The following IGFBP7 variants were observed in gnomAD, a reference collection of about 807,000 sequenced individuals.
IGFBP7 encodes insulin-like growth factor-binding protein 7.
IGFBP7 carries 31 observed loss-of-function variants against 29.4 expected under a neutral mutation model. The observed-to-expected ratio is 1.05, with a 90% CI of 0.79 to 1.42. The LOEUF (loss-of-function observed/expected upper bound fraction) is 1.42, where lower values mean the gene tolerates loss of function less well. Among genes scored for constraint, IGFBP7 ranks in the 40% most tolerant of loss-of-function variants. IGFBP7 has a pLI of 0.00. For missense variants in IGFBP7, 393 were observed against 395.5 expected, an observed-to-expected ratio of 0.99 and a Z score of 0.05; for synonymous variants, 172 against 174.9, an observed-to-expected ratio of 0.98 and a Z score of 0.13.
chr4:57,081,443 C>A (rs967191496), intron 1 of IGFBP7, among the ~76,000 whole-genome samples: 1 of 152,142 alleles, frequency 6.6e-6, no homozygotes, highest in African/African-American at 2.4e-5. Context: ...GGAAAACATT[C>A]CTGACCTCTG....
At chr4:57,055,823 C>G (rs1413405854) in intron 1 of IGFBP7, among the ~76,000 whole-genome samples, 1 of 152,084 alleles carries the variant, frequency 6.6e-6, no homozygotes, top group Non-Finnish European at 1.5e-5. Flanking sequence ...CCGCCCTTTG[C>G]TCATTTCTGG....
intron 1 of IGFBP7, among the ~76,000 whole-genome samples, chr4:57,105,978 A>C (rs558375147): frequency 1.9e-4 from 27 of 139,290 alleles, no homozygotes; most frequent in African/African-American, 6.0e-4. Flanking sequence ...GCTATCTTGG[A>C]TCACTGCAAG....
At chr4:57,075,761 GA>G (rs914696859) in intron 1 of IGFBP7, among the ~76,000 whole-genome samples, 2 of 151,788 alleles carry the variant, frequency 1.3e-5, no homozygotes, top group East Asian at 1.9e-4. Context: ...TTTCACATTT[GA>G]AAAAAAAGGT....
Position 57,110,060 on chromosome 4 carries a change from C to G in IGFBP7, c.292G>C (p.Ala98Pro), listed in dbSNP as rs1002002287. Residue 98 changes from alanine to proline, a missense_variant, in exon 1 of 5, where the codon GCC (alanine) becomes CCC (proline). By Grantham distance (27) the Ala-to-Pro change is conservative. Coordinates refer to ENST00000295666, the MANE Select transcript of IGFBP7 (RefSeq NM_001553.3). ...CCCGGACCGCCGGCTGCTGCCCCGGCTTTACCCTTCCGCCTCTTGCGGCTC... is the reference window on the plus strand; with the variant it reads ...CCCGGACCGCCGGCTGCTGCCCCGGGTTTACCCTTCCGCCTCTTGCGGCTC... Reference protein sequence around the residue: ...VKSRKRRKGKAGAAAGGPGVS... With the variant: ...VKSRKRRKGKPGAAAGGPGVS... 6 of 1,561,746 alleles carry G rather than the reference C, an allele frequency of 3.8e-6. No individual in the cohort carries two copies. Among genetic ancestry groups the G allele is most frequent in the Admixed American group, 1.8e-5 (1 of 54,730 alleles).
intron 1 of IGFBP7, among the ~76,000 whole-genome samples, chr4:57,080,370 G>A (rs1024997683): frequency 1.5e-4 from 23 of 152,188 alleles, no homozygotes; most frequent in African/African-American, 5.3e-4. Context: ...CATTGCCCGA[G>A]TGCTCCAGCC....
intron 1 of IGFBP7, among the ~76,000 whole-genome samples, chr4:57,075,713 A>G (rs976758296): frequency 2.0e-5 from 3 of 152,206 alleles, no homozygotes; most frequent in Non-Finnish European, 4.4e-5. Context: ...AAAAAGCTAA[A>G]GAGAATTTGA....
chr4:57,098,305 C>T (rs1296809469), intron 1 of IGFBP7, among the ~76,000 whole-genome samples: 3 of 152,178 alleles, frequency 2.0e-5, no homozygotes, highest in South Asian at 2.1e-4. Context: ...GAAAATCTCA[C>T]TTCTTTGAGT....
chr4:57,042,932 T>C (rs895005719), intron 1 of IGFBP7, among the ~76,000 whole-genome samples: 3 of 152,222 alleles, frequency 2.0e-5, no homozygotes, highest in Non-Finnish European at 4.4e-5. Context: ...TTCAATCCTT[T>C]ACACATTTTC....
At chr4:57,100,071 C>CTT (rs10669251) in intron 1 of IGFBP7, among the ~76,000 whole-genome samples, 102,768 of 115,648 alleles carry the variant, frequency 0.89, 46,277 homozygotes, top group Middle Eastern at 0.94. Flanking sequence ...TCTTTTCTTT[C>CTT]TTTTTTTTTT....
chr4:57,082,441 T>A (rs1356142739), intron 1 of IGFBP7, among the ~76,000 whole-genome samples: 3 of 152,182 alleles, frequency 2.0e-5, no homozygotes, highest in Non-Finnish European at 4.4e-5. Flanking sequence ...AGGGAAAGGT[T>A]AATGATGAAC....
chr4:57,067,907 G>T (rs1389247758), intron 1 of IGFBP7, among the ~76,000 whole-genome samples: 1 of 152,148 alleles, frequency 6.6e-6, no homozygotes, highest in African/African-American at 2.4e-5. Context: ...TCCCCCTGGA[G>T]AATAATTGAT....
chr4:57,057,081 C>T (rs1233246939), intron 1 of IGFBP7, among the ~76,000 whole-genome samples: 1 of 152,160 alleles, frequency 6.6e-6, no homozygotes, highest in Non-Finnish European at 1.5e-5. Flanking sequence ...TCATGGCTCA[C>T]TGCAGCTTCG....
intron 1 of IGFBP7, among the ~76,000 whole-genome samples, chr4:57,099,657 A>G (rs1725843648): frequency 6.6e-6 from 1 of 152,226 alleles, no homozygotes; most frequent in Non-Finnish European, 1.5e-5. Flanking sequence ...TTGGACTAAT[A>G]TTCATGCCAG....
chr4:57,090,826 A>C (rs1182305211), intron 1 of IGFBP7, among the ~76,000 whole-genome samples: 1 of 152,204 alleles, frequency 6.6e-6, no homozygotes, highest in African/African-American at 2.4e-5. Context: ...ACTCCAGCCT[A>C]GGTGACACAG....
intron 1 of IGFBP7, among the ~76,000 whole-genome samples, chr4:57,101,380 CA>C (rs981969156): frequency 7.2e-5 from 11 of 152,154 alleles, no homozygotes; most frequent in African/African-American, 2.7e-4. Flanking sequence ...TTTTCAGACA[CA>C]AAACTTCTCT....
In IGFBP7 at chr4:57,110,225, G is replaced by A. The variant is rs2109813211; in HGVS notation, c.127C>T (p.Leu43=). 1 of 1,379,878 alleles carries A rather than the reference G, an allele frequency of 7.2e-7. No individual in the cohort carries two copies. Among genetic ancestry groups the A allele is most frequent in the South Asian group, 1.7e-5 (1 of 59,124 alleles). The allele number at this position is 1,379,878 out of a possible 1,614,324, so 85.5% of individuals were successfully genotyped here. A position where few individuals can be genotyped will look rare whatever the true frequency, so the allele number is the denominator to read the frequency against. Residue 43 remains leucine (L), a synonymous_variant, in exon 1 of 5, where the codon CTG becomes TTG. Coordinates refer to ENST00000295666, the MANE Select transcript of IGFBP7 (RefSeq NM_001553.3). ...CCCAGCAGGCAGCCCAGCGGGGGCA[G>A]GGGCGGGCAGGAGGCCGGCTCGCAG... is the stretch of plus-strand genomic sequence containing the variant. ...GPCEPASCPP[L]PPLGCLLGET...
intron 1 of IGFBP7, among the ~76,000 whole-genome samples, chr4:57,073,593 CA>C (rs33959236): frequency 0.056 from 8,285 of 148,284 alleles, 242 homozygotes; most frequent in African/African-American, 0.069. Flanking sequence ...GACCCTGACT[CA>C]AAAAAAAAAA....
At chr4:57,105,304 A>G (rs112552636) in intron 1 of IGFBP7, among the ~76,000 whole-genome samples, 22 of 152,224 alleles carry the variant, frequency 1.4e-4, no homozygotes, top group African/African-American at 1.2e-4. Context: ...GTTTCTGTGT[A>G]TCTTATTCAA....
intron 1 of IGFBP7, among the ~76,000 whole-genome samples, chr4:57,101,208 T>G (rs1725888525): frequency 6.6e-6 from 1 of 152,228 alleles, no homozygotes; most frequent in Non-Finnish European, 1.5e-5. Context: ...CCTGAAGTTT[T>G]GAGGGGGTTG....
Sources: allele counts gnomAD v4.1 joint callset (sites outside exome capture counted in the v4.1 genomes callset), GRCh38; gene constraint gnomAD v4.1.1; transcripts MANE v1.5; gene names NCBI Gene and HGNC (gene_info 2026-07-23, HGNC 2026-07-21).